Variants in DOCK5 observed in about 807,000 individuals in gnomAD.
DOCK5 encodes the protein dedicator of cytokinesis protein 5.
DOCK5 carries 142 observed loss-of-function variants against 251.8 expected under a neutral mutation model. The observed-to-expected ratio is 0.56, with a 90% CI of 0.49 to 0.65. DOCK5 has a LOEUF of 0.65. Ranked by LOEUF, DOCK5 falls within the 30% of genes least tolerant of loss-of-function variation. The pLI is 0.00. For synonymous variants in DOCK5, 842 were observed against 835.5 expected (o/e 1.01, Z -0.13); for missense variants, 2,111 against 2,312.3 (o/e 0.91, Z 1.79).
intron 25 of DOCK5, among the ~76,000 whole-genome samples, chr8:25,344,376 G>A (rs1431120100): frequency 4.6e-5 from 7 of 152,070 alleles, no homozygotes; most frequent in Admixed American, 3.3e-4. Context: ...CTGGTCAGGG[G>A]CTCCCAGAGT....
intron 9 of DOCK5, 67 bp downstream of exon 9, chr8:25,300,724 T>C: frequency 2.8e-6 from 4 of 1,441,360 alleles, no homozygotes; most frequent in Non-Finnish European, 3.8e-6. Flanking sequence ...ATAATGAATA[T>C]GTGGAAAACA....
intron 29 of DOCK5, among the ~76,000 whole-genome samples, chr8:25,364,143 G>T (rs1048674683): frequency 6.6e-6 from 1 of 152,098 alleles, no homozygotes; most frequent in African/African-American, 2.4e-5. Context: ...TATATTAAAA[G>T]AGTGTTAGAG....
rs954984054 is a variant in DOCK5, at chr8:25,184,880, C to T, written c.-29C>T. On this transcript the variant is annotated 5_prime_UTR_variant, in exon 1 of 52. Transcript: ENST00000276440. ...CCCGAGGAGCTGTAGCAGCCTTAGT[C>T]GCCGCCGCCGCGGGGCGAGGTCGCC... The T allele has an allele frequency of 8.8e-6, 12 of 1,362,776 alleles. No homozygotes were observed. In the Admixed American group the frequency reaches 2.3e-4, roughly 26 times the overall value. The allele number at this position is 1,362,776 out of a possible 1,614,324, so 84.4% of individuals were successfully genotyped here. A position where few individuals can be genotyped will look rare whatever the true frequency, so the allele number is the denominator to read the frequency against.
intron 17 of DOCK5, among the ~76,000 whole-genome samples, chr8:25,324,431 G>A (rs958842815): frequency 2.0e-5 from 3 of 152,176 alleles, no homozygotes; most frequent in Non-Finnish European, 4.4e-5. Flanking sequence ...TCCAACTGAT[G>A]CTGAGCTCCC....
intron 41 of DOCK5, among the ~76,000 whole-genome samples, chr8:25,389,755 G>C (rs1486756370): frequency 6.6e-6 from 1 of 152,162 alleles, no homozygotes; most frequent in Non-Finnish European, 1.5e-5. Context: ...GTTGTGTATA[G>C]TAGAGATAAC....
chr8:25,281,971 T>C (rs1394018893), intron 5 of DOCK5, among the ~76,000 whole-genome samples: 1 of 152,098 alleles, frequency 6.6e-6, no homozygotes, highest in African/African-American at 2.4e-5. Flanking sequence ...AACATAATTA[T>C]TTTGGTATTT....
intron 1 of DOCK5, among the ~76,000 whole-genome samples, chr8:25,233,451 T>G (rs1230870553): frequency 6.6e-6 from 1 of 152,210 alleles, no homozygotes; most frequent in East Asian, 1.9e-4. Context: ...TCAGTTAACC[T>G]TTTTGATTGT....
intron 13 of DOCK5, among the ~76,000 whole-genome samples, chr8:25,316,248 G>A (rs1339583346): frequency 1.3e-5 from 2 of 152,206 alleles, no homozygotes; most frequent in Admixed American, 1.3e-4. Context: ...GGGAGGCTGA[G>A]GTGGGCAGAT....
intron 44 of DOCK5, among the ~76,000 whole-genome samples, chr8:25,393,893 A>G (rs1237119424): frequency 6.6e-6 from 1 of 152,232 alleles, no homozygotes; most frequent in African/African-American, 2.4e-5. Context: ...TAGGTGTTCA[A>G]GAAATGTTTC....
chr8:25,389,396 T>C (rs965020891), intron 41 of DOCK5, among the ~76,000 whole-genome samples, 164 bp downstream of exon 41: 3 of 152,184 alleles, frequency 2.0e-5, no homozygotes, highest in Non-Finnish European at 4.4e-5. Context: ...GGGACCCTAA[T>C]AGCATTAGCT....
At chr8:25,301,315 T>A (rs1804755464) in intron 9 of DOCK5, among the ~76,000 whole-genome samples, 1 of 152,142 alleles carries the variant, frequency 6.6e-6, no homozygotes, top group African/African-American at 2.4e-5. Context: ...TATTTTTCCA[T>A]TAACAGAAGC....
chr8:25,270,652 A>T (rs776307945), intron 3 of DOCK5: 2 of 416,808 alleles, frequency 4.8e-6, no homozygotes, highest in Non-Finnish European at 8.6e-6. Flanking sequence ...GCGAAATTCA[A>T]TTACGTTCAA....
At chr8:25,185,086 C>G in intron 1 of DOCK5, 135 bp downstream of exon 1, 3 of 1,069,472 alleles carry the variant, frequency 2.8e-6, no homozygotes, top group Non-Finnish European at 3.6e-6. Flanking sequence ...CTCTGGGAGC[C>G]GGGGACGGTA....
Position 25,345,629 on chromosome 8 carries a change from T to G in DOCK5, c.2754+18T>G. On this transcript the variant is annotated intron_variant, in intron 26 of 51. Coordinates refer to ENST00000276440, the MANE Select transcript of DOCK5 (RefSeq NM_024940.8). ...AGGATGTGGTGAGTTGAGTCATCAC[T>G]GATGCTGCACAGAGTTCACACTGTC... 6.2e-7 allele frequency: 1 copy of G among 1,613,226 alleles called. No homozygotes were observed. The highest frequency in any genetic ancestry group is 1.7e-5 in the Admixed American group (1 of 60,018).
intron 17 of DOCK5, among the ~76,000 whole-genome samples, chr8:25,324,641 T>C (rs970522503): frequency 1.4e-4 from 22 of 152,208 alleles, no homozygotes; most frequent in African/African-American, 5.3e-4. Flanking sequence ...TAAAGTATAA[T>C]TGTCCCCATT....
At position 25,219,122 on chromosome 8, in the gene DOCK5, C is replaced by T. The variant is rs1183274896; in HGVS notation, c.44-24552C>T. On this transcript the variant is annotated intron_variant, in intron 1 of 51. Transcript: ENST00000276440. Reference sequence around the variant, plus strand: ...TGGTAGACGAGTATCTGCTCTTCTACCTGGCTACTTCCCCTCCCCTCTGAG... The same window carrying T: ...TGGTAGACGAGTATCTGCTCTTCTATCTGGCTACTTCCCCTCCCCTCTGAG... Among the ~76,000 whole-genome samples the T allele has an allele frequency of 3.9e-5, 6 of 152,176 alleles. 1 individual carries two copies. Among genetic ancestry groups the T allele is most frequent in the Admixed American group, 2.0e-4 (3 of 15,286 alleles).
chr8:25,380,900 G>A (rs919834991), intron 39 of DOCK5, among the ~76,000 whole-genome samples: 3 of 148,466 alleles, frequency 2.0e-5, no homozygotes, highest in South Asian at 4.3e-4. Context: ...GCACCATTCC[G>A]AATGCCCAGT....
Position 25,399,912 on chromosome 8 carries a change from CT to C in DOCK5, c.4713del (p.Phe1571LeufsTer19). ...AAACTTGCATATGCTTTTTTTTAGG[CT>C]TTTTTTACAGAAAAGTACTTGCAGG... ...VMGGFSNYEKAFFTEKYLQEH... is the reference protein window; with the variant it reads ...VMGGFSNYEKXFFTEKYLQEH... On this transcript the variant is annotated frameshift_variant and splice_region_variant, in exon 46 of 52. Transcript: ENST00000276440. LOFTEE classifies it high-confidence loss of function. 2 of 1,610,694 alleles carry C rather than the reference CT, an allele frequency of 1.2e-6. No homozygotes were observed. Among genetic ancestry groups the C allele is most frequent in the Non-Finnish European group, 1.7e-6 (2 of 1,178,308 alleles).
At chr8:25,260,420 T>A (rs1803547080) in intron 2 of DOCK5, among the ~76,000 whole-genome samples, 1 of 151,016 alleles carries the variant, frequency 6.6e-6, no homozygotes, top group Admixed American at 6.6e-5. Context: ...CTTTTATGTG[T>A]GTACGTGGGG....
Sources: allele counts gnomAD v4.1 joint callset (sites outside exome capture counted in the v4.1 genomes callset), GRCh38; gene constraint gnomAD v4.1.1; transcripts MANE v1.5; gene names NCBI Gene and HGNC (gene_info 2026-07-23, HGNC 2026-07-21).